The following AKR1B15 variants were observed in gnomAD, a reference collection of about 807,000 sequenced individuals.
AKR1B15 encodes aldo-keto reductase family 1 member B15.
In AKR1B15, 49 loss-of-function variants were observed where a neutral mutation model predicts 38.5. The observed-to-expected ratio is 1.27, with a 90% CI of 1.01 to 1.62. The LOEUF (loss-of-function observed/expected upper bound fraction) is 1.62, where lower values mean the gene tolerates loss of function less well. Among genes scored for constraint, AKR1B15 ranks in the 40% most tolerant of loss-of-function variants. The pLI is 0.00. For missense variants in AKR1B15, 411 were observed against 381.6 expected (o/e 1.08, Z -0.64); for synonymous variants, 137 against 135.5 (o/e 1.01, Z -0.08).
chr7:134,578,073 T>C (rs1378516557), intron 11 of AKR1B15, among the ~76,000 whole-genome samples: 1 of 152,182 alleles, frequency 6.6e-6, no homozygotes, highest in Non-Finnish European at 1.5e-5. Flanking sequence ...TCAGTCAATA[T>C]CTAGTGGTCA....
At chr7:134,553,641 C>T (rs145252557) in intron 1 of AKR1B15, among the ~76,000 whole-genome samples, 15 of 152,330 alleles carry the variant, frequency 9.8e-5, no homozygotes, top group African/African-American at 3.4e-4. Context: ...GTCGAATGCT[C>T]GCATCTTGCG....
intron 3 of AKR1B15, 70 bp from the exon 4 acceptor site, chr7:134,568,088 G>A: frequency 6.3e-7 from 1 of 1,576,376 alleles, no homozygotes; most frequent in African/African-American, 1.4e-5. Flanking sequence ...GGCCAGCCTG[G>A]GCAACATGGC....
At chr7:134,578,730 T>C (rs1794817006) in intron 11 of AKR1B15, among the ~76,000 whole-genome samples, 1 of 152,268 alleles carries the variant, frequency 6.6e-6, no homozygotes, top group South Asian at 2.1e-4. Flanking sequence ...ATCTCAAGCG[T>C]TGCTTGCATG....
chr7:134,568,127 A>G, intron 3 of AKR1B15, 31 bp from the exon 4 acceptor site: 6 of 1,613,028 alleles, frequency 3.7e-6, no homozygotes, highest in Non-Finnish European at 5.1e-6. Flanking sequence ...AAAAAAATAC[A>G]TGTGTGATGG....
At chr7:134,576,484 G>A in intron 9 of AKR1B15, 54 bp downstream of exon 9, 2 of 1,592,828 alleles carry the variant, frequency 1.3e-6, no homozygotes, top group Non-Finnish European at 1.7e-6. Context: ...CCAGTCTCAT[G>A]TTTCATTTCT....
intron 3 of AKR1B15, chr7:134,565,337 T>G: frequency 7.5e-7 from 1 of 1,332,878 alleles, no homozygotes; most frequent in Non-Finnish European, 1.0e-6. Context: ...ACAACATCTT[T>G]AACAGCTGTA....
chr7:134,570,873 C>T (rs1328373731), intron 5 of AKR1B15, among the ~76,000 whole-genome samples: 1 of 152,208 alleles, frequency 6.6e-6, no homozygotes, highest in Non-Finnish European at 1.5e-5. Flanking sequence ...TGATTTCTGG[C>T]AGCCCAGACA....
At chr7:134,555,274 G>A (rs1017422330) in intron 1 of AKR1B15, among the ~76,000 whole-genome samples, 1 of 152,094 alleles carries the variant, frequency 6.6e-6, no homozygotes, top group Non-Finnish European at 1.5e-5. Flanking sequence ...CTTTCCAGCT[G>A]GGTGACCTAG....
At chr7:134,571,012 G>A (rs1794656977) in intron 5 of AKR1B15, among the ~76,000 whole-genome samples, 1 of 152,194 alleles carries the variant, frequency 6.6e-6, no homozygotes, top group Non-Finnish European at 1.5e-5. Context: ...AAGCACACCT[G>A]GCAGTGGCAT....
At chr7:134,576,306 G>T (rs1367945993) in intron 8 of AKR1B15, 43 bp from the exon 9 acceptor site, 5 of 1,587,584 alleles carry the variant, frequency 3.1e-6, no homozygotes, top group African/African-American at 1.3e-5. Flanking sequence ...TCTGTACACG[G>T]TAGCCATGGT....
intron 2 of AKR1B15, among the ~76,000 whole-genome samples, chr7:134,564,347 G>C (rs1298231447): frequency 6.6e-6 from 1 of 152,206 alleles, no homozygotes; most frequent in Non-Finnish European, 1.5e-5. Flanking sequence ...TGCTGAGAAA[G>C]GAGGGCTCTG....
chr7:134,562,328 G>A (rs777431732), intron 2 of AKR1B15, among the ~76,000 whole-genome samples: 11 of 152,182 alleles, frequency 7.2e-5, no homozygotes, highest in Non-Finnish European at 1.2e-4. Flanking sequence ...TAAGCGGGTT[G>A]CCTAAGCGTT....
intron 4 of AKR1B15, among the ~76,000 whole-genome samples, chr7:134,569,166 A>G (rs994669373): frequency 6.6e-6 from 1 of 152,196 alleles, no homozygotes; most frequent in African/African-American, 2.4e-5. Context: ...CATTTACTTA[A>G]ATGATCTGAG....
rs369354205 is a variant in AKR1B15, at chr7:134,577,027, A to G, written c.890A>G (p.His297Arg). ...TVIPKSMTPA[H>R]IVENIQVFDF... ...ATCCCCAAGTCTATGACACCAGCAC[A>G]CATTGTTGAGAACATTCAGGTAAGT... The change falls in exon 10 of 12, where the codon CAC (histidine) becomes CGC (arginine). Residue 297 changes from histidine (H) to arginine (R), a missense_variant. This residue lies in a region of AKR1B15 where 133 missense variants were observed against 120.3 expected (regional missense o/e 1.11). Transcript: ENST00000457545. 79 of 1,613,804 alleles carry G rather than the reference A, an allele frequency of 4.9e-5. No individual in the cohort carries two copies. Among genetic ancestry groups the G allele is most frequent in the Admixed American group, 2.5e-4 (15 of 60,018 alleles).
intron 1 of AKR1B15, among the ~76,000 whole-genome samples, chr7:134,550,407 T>G (rs1487059234): frequency 6.6e-6 from 1 of 152,116 alleles, no homozygotes; most frequent in African/African-American, 2.4e-5. Context: ...GGACCGAGTT[T>G]GAACATTTTG....
chr7:134,570,127 C>A (rs187305453), intron 5 of AKR1B15: 1 of 152,586 alleles, frequency 6.6e-6, no homozygotes, highest in Non-Finnish European at 1.5e-5. Context: ...AATGGCTGCT[C>A]TGGGGACGGC....
At chr7:134,574,287 C>T (rs1585813314) in intron 6 of AKR1B15, among the ~76,000 whole-genome samples, 1 of 152,148 alleles carries the variant, frequency 6.6e-6, no homozygotes, top group Non-Finnish European at 1.5e-5. Context: ...CTCATCCCTG[C>T]CTCTGAGCTT....
intron 2 of AKR1B15, among the ~76,000 whole-genome samples, chr7:134,558,356 G>A (rs1257895705): frequency 1.3e-5 from 2 of 152,174 alleles, no homozygotes; most frequent in African/African-American, 4.8e-5. Flanking sequence ...TTTACCCACT[G>A]GGTAGAGGCA....
In AKR1B15 at chr7:134,566,023, G is replaced by A. The variant is rs559994233; in HGVS notation, c.150+1254G>A. ...AGACATGCAGAACTGGCTGGGTGTG[G>A]TGGCTCATGCCTGTAATCCCAGCAC... On this transcript the variant is annotated intron_variant, in intron 3 of 11. Coordinates refer to ENST00000457545, the MANE Select transcript of AKR1B15 (RefSeq NM_001080538.3). Among the ~76,000 whole-genome samples the A allele has an allele frequency of 9.2e-5, 14 of 152,144 alleles. 1 individual carries two copies. The South Asian group carries it at 1.0e-3, about 11-fold the overall frequency.
Sources: gnomAD v4.1 joint callset for allele counts (sites outside exome capture counted in the v4.1 genomes callset) on GRCh38, gnomAD v4.1.1 for gene constraint, gnomAD v4.1.1 regional missense constraint, MANE v1.5 for transcripts, NCBI Gene and HGNC (gene_info 2026-07-23, HGNC 2026-07-21) for gene names.